ASXL3: variants seen among roughly 807,000 people sequenced by gnomAD.
The protein encoded by ASXL3 is putative Polycomb group protein ASXL3.
In ASXL3, 34 loss-of-function variants were observed where a neutral mutation model predicts 170.6. That is an observed-to-expected ratio of 0.20 (90% confidence interval 0.15 to 0.27). The LOEUF is 0.27. ASXL3 is among the 10% of genes least tolerant of loss of function. The pLI, the probability that ASXL3 is intolerant of heterozygous loss-of-function variation, is 1.00. For synonymous variants in ASXL3, 1,002 were observed against 989.1 expected (o/e 1.01, Z -0.24); for missense variants, 2,592 against 2,695.3 (o/e 0.96, Z 0.85).
intron 2 of ASXL3, among the ~76,000 whole-genome samples, chr18:33,634,836 A>G (rs142485073): frequency 2.0e-5 from 3 of 152,218 alleles, no homozygotes; most frequent in Non-Finnish European, 2.9e-5. Flanking sequence ...GCAAGGCGCT[A>G]TGAGGTGAAC....
intron 8 of ASXL3, among the ~76,000 whole-genome samples, chr18:33,688,107 A>G (rs1320861070): frequency 6.6e-6 from 1 of 152,202 alleles, no homozygotes; most frequent in Non-Finnish European, 1.5e-5. Context: ...GATTCACACT[A>G]ATAGTACCGT....
At position 33,744,283 on chromosome 18, in the gene ASXL3, A is replaced by C. The variant is rs1369224975; in HGVS notation, c.4435A>C (p.Thr1479Pro). 2 of 1,613,866 alleles carry C rather than the reference A, an allele frequency of 1.2e-6. No individual in the cohort carries two copies. Among genetic ancestry groups the C allele is most frequent in the African/African-American group, 2.7e-5 (2 of 74,916 alleles). Residue 1479 changes from threonine (T) to proline (P), a missense_variant, in exon 12 of 12, where the codon ACC (threonine) becomes CCC (proline). This residue lies in a region of ASXL3 where 2,246 missense variants were observed against 2,219.6 expected (regional missense o/e 1.01). Transcript: ENST00000269197. ...IPCKVIVDHS[T>P]TLTSSLSLTV... ...GTGTAAAGTCATCGTTGACCACAGCACCACGCTGACCTCCAGTTTGTCTCT... is the reference window on the plus strand; with the variant it reads ...GTGTAAAGTCATCGTTGACCACAGCCCCACGCTGACCTCCAGTTTGTCTCT...
In ASXL3 at chr18:33,661,744, T is replaced by C. The variant is rs1419187193; in HGVS notation, c.477+7T>C. The C allele has an allele frequency of 1.9e-6, 3 of 1,610,964 alleles. No homozygotes were observed. Among genetic ancestry groups the C allele is most frequent in the East Asian group, 2.2e-5 (1 of 44,758 alleles). ...CAAAAAGGCTCTTAAACAGGTAAGA[T>C]AGCTGCCATTTATTCTTTGTCCTTC... On this transcript the variant is annotated splice_region_variant and intron_variant, in intron 5 of 11. Coordinates refer to ENST00000269197, the MANE Select transcript of ASXL3 (RefSeq NM_030632.3).
intron 7 of ASXL3, among the ~76,000 whole-genome samples, chr18:33,672,720 T>A (rs1468917496): frequency 1.3e-5 from 2 of 152,258 alleles, no homozygotes; most frequent in African/African-American, 4.8e-5. Context: ...CTTACTTTCT[T>A]GGCAACTTGA....
At chr18:33,611,576 A>C (rs1051672869) in intron 2 of ASXL3, among the ~76,000 whole-genome samples, 1 of 152,072 alleles carries the variant, frequency 6.6e-6, no homozygotes, top group African/African-American at 2.4e-5. Context: ...TCAAATGGCC[A>C]TGCTGCTTCT....
At chr18:33,597,793 C>CAAAAAAAAAAAACAA in intron 1 of ASXL3, among the ~76,000 whole-genome samples, 1 of 132,574 alleles carries the variant, frequency 7.5e-6, no homozygotes, top group Non-Finnish European at 1.6e-5. Flanking sequence ...CTCTCATCTA[C>CAAAAAAAAAAAACAA]AAAAAAAAAA....
intron 8 of ASXL3, among the ~76,000 whole-genome samples, chr18:33,721,225 T>G (rs2067253298): frequency 6.6e-6 from 1 of 152,048 alleles, no homozygotes; most frequent in African/African-American, 2.4e-5. Flanking sequence ...CCTCTGCTGA[T>G]TTGGAAATTT....
In ASXL3 at chr18:33,590,111, G is replaced by GTTTTTTTTTTTTTTT. The variant is rs567969303; in HGVS notation, c.54+11431_54+11445dup. On this transcript the variant is annotated intron_variant, in intron 1 of 11. Coordinates refer to ENST00000269197, the MANE Select transcript of ASXL3 (RefSeq NM_030632.3). ...TGTCGTCAAGGTATTTGCTTTCTAT[G>GTTTTTTTTTTTTTTT]TTTTTTTTTTTTTTTTTTTGCTTTG... Among the ~76,000 whole-genome samples, 65 of 83,154 alleles carry GTTTTTTTTTTTTTTT rather than the reference G, an allele frequency of 7.8e-4. 1 individual carries two copies. Among genetic ancestry groups the GTTTTTTTTTTTTTTT allele is most frequent in the African/African-American group, 3.4e-3 (49 of 14,532 alleles). The allele number at this position is 83,154 out of a possible 152,430, so 54.6% of individuals were successfully genotyped here.
chr18:33,732,241 AT>A (rs1271941874), intron 9 of ASXL3, among the ~76,000 whole-genome samples, 177 bp downstream of exon 9: 1 of 152,134 alleles, frequency 6.6e-6, no homozygotes, highest in Non-Finnish European at 1.5e-5. Context: ...GACATTATTG[AT>A]GTCAGATATT....
rs1273412196 is a variant in ASXL3 at position 33,738,713 on chromosome 18, T to C, written c.1309T>C (p.Leu437=). 5 of 1,613,860 alleles carry C rather than the reference T, an allele frequency of 3.1e-6. No individual in the cohort carries two copies. Among genetic ancestry groups the C allele is most frequent in the Non-Finnish European group, 4.2e-6 (5 of 1,179,872 alleles). The stretch of plus-strand genomic sequence containing the variant: ...TCCACCTAAAGATATAATGGCAGAA[T>C]TGGAGTCAGAGGATATCTTGATCCC... ...EIPPKDIMAE[L]ESEDILIPEE... Residue 437 remains leucine (L), a synonymous_variant, in exon 11 of 12, where the codon TTG becomes CTG. Coordinates refer to ENST00000269197, the MANE Select transcript of ASXL3 (RefSeq NM_030632.3).
chr18:33,597,563 AGATGAAG>A (rs1479282259), intron 1 of ASXL3, among the ~76,000 whole-genome samples: 3 of 152,158 alleles, frequency 2.0e-5, no homozygotes, highest in African/African-American at 7.2e-5. Context: ...ACCTAAAGGT[AGATGAAG>A]TTCAGTAAGT....
intron 2 of ASXL3, among the ~76,000 whole-genome samples, chr18:33,622,895 A>C (rs927656711): frequency 6.6e-6 from 1 of 152,212 alleles, no homozygotes; most frequent in African/African-American, 2.4e-5. Context: ...AACTGTAGGG[A>C]AGGGTCCTTC....
intron 1 of ASXL3, among the ~76,000 whole-genome samples, chr18:33,585,917 A>G (rs1162479346): frequency 6.6e-6 from 1 of 152,200 alleles, no homozygotes; most frequent in Non-Finnish European, 1.5e-5. Context: ...TTTTTAAAAC[A>G]ATTGCACAAT....
At chr18:33,604,284 C>T (rs1014889783) in intron 1 of ASXL3, among the ~76,000 whole-genome samples, 1 of 151,600 alleles carries the variant, frequency 6.6e-6, no homozygotes, top group South Asian at 2.1e-4. Flanking sequence ...AGCAATAGAA[C>T]GTGGGACTAT....
At chr18:33,685,826 G>A (rs2066586441) in intron 8 of ASXL3, among the ~76,000 whole-genome samples, 1 of 152,142 alleles carries the variant, frequency 6.6e-6, no homozygotes, top group Admixed American at 6.5e-5. Context: ...AACTCACAGA[G>A]GGAAAACTCA....
chr18:33,583,390 T>C (rs941914312), intron 1 of ASXL3, among the ~76,000 whole-genome samples: 3 of 152,210 alleles, frequency 2.0e-5, no homozygotes, highest in Non-Finnish European at 4.4e-5. Context: ...ATCACTAAAA[T>C]TTCAGTTGGT....
chr18:33,722,120 C>G (rs907883065), intron 8 of ASXL3, among the ~76,000 whole-genome samples: 2 of 152,048 alleles, frequency 1.3e-5, no homozygotes, highest in Non-Finnish European at 2.9e-5. Context: ...CCATTTCTCT[C>G]CCTTTCTTCA....
chr18:33,641,154 T>C (rs2065840869), intron 2 of ASXL3, among the ~76,000 whole-genome samples: 1 of 152,122 alleles, frequency 6.6e-6, no homozygotes, highest in Non-Finnish European at 1.5e-5. Flanking sequence ...TTTCATTCCT[T>C]TCACTAAGTA....
intron 2 of ASXL3, among the ~76,000 whole-genome samples, chr18:33,641,424 G>A (rs2065845435): frequency 6.6e-6 from 1 of 152,040 alleles, no homozygotes; most frequent in Admixed American, 6.6e-5. Flanking sequence ...AGAATAAGCT[G>A]TATATCTACC....
Sources: gnomAD v4.1 joint callset for allele counts (sites outside exome capture counted in the v4.1 genomes callset) on GRCh38, gnomAD v4.1.1 for gene constraint, gnomAD v4.1.1 regional missense constraint, MANE v1.5 for transcripts, NCBI Gene and HGNC (gene_info 2026-07-23, HGNC 2026-07-21) for gene names.